GPR146: variants seen among roughly 807,000 people sequenced by gnomAD.
GPR146 encodes the protein G-protein coupled receptor 146.
For missense variants in GPR146, 381 were observed against 213.9 expected (o/e 1.78, Z -4.87); for synonymous variants, 203 against 104.3 (o/e 1.95, Z -5.77).
chr7:1,056,552 T>G (rs895674785), intron 1 of GPR146: 10 of 152,642 alleles, frequency 6.6e-5, no homozygotes, highest in African/African-American at 9.6e-5. Flanking sequence ...CTATTGGCAC[T>G]GGGGACCTCG....
At chr7:1,048,445 C>A (rs1782787116) in intron 1 of GPR146, among the ~76,000 whole-genome samples, 1 of 152,142 alleles carries the variant, frequency 6.6e-6, no homozygotes, top group South Asian at 2.1e-4. Context: ...CTCTCACACA[C>A]ACATACAGGG....
chr7:1,050,906 C>T (rs940059986), intron 1 of GPR146, among the ~76,000 whole-genome samples: 6 of 152,230 alleles, frequency 3.9e-5, no homozygotes. Flanking sequence ...CTGTCCTTCC[C>T]AGCCTCCTGC....
rs186841367 is a variant in GPR146 at position 1,046,942 on chromosome 7, C to T, written c.-25+2284C>T. On this transcript the variant is annotated intron_variant, in intron 1 of 1. Transcript: ENST00000444847. ...AGCACTTCCCTGCAGGTTAAGGCCA[C>T]GCCTAGTAAACCGGGGCTCGACTGA... Among the ~76,000 whole-genome samples the T allele has an allele frequency of 1.7e-3, 263 of 152,354 alleles. 1 individual carries two copies. The highest frequency in any genetic ancestry group is 3.4e-3 in the Middle Eastern group (1 of 294).
At chr7:1,051,833 C>T (rs1783140803) in intron 1 of GPR146, among the ~76,000 whole-genome samples, 1 of 152,164 alleles carries the variant, frequency 6.6e-6, no homozygotes, top group Non-Finnish European at 1.5e-5. Context: ...AAAACATTAG[C>T]CAGCTGTAGT....
Position 1,058,189 on chromosome 7 carries a change from G to A in GPR146, c.674G>A (p.Gly225Asp), listed in dbSNP as rs1046181215. The change falls in exon 2 of 2, where the codon GGC (glycine) becomes GAC (aspartate). Residue 225 changes from glycine to aspartate, a missense_variant. By Grantham distance (94) the Gly-to-Asp change is moderately conservative. Coordinates refer to ENST00000444847, the MANE Select transcript of GPR146 (RefSeq NM_001303473.2). ...REDTPLDRDT[G>D]RLEPSAHRLL... ...GACACGCCCCTGGACCGGGACACGG[G>A]CCGGCTGGAGCCCTCGGCACACAGG... 2 of 741,972 alleles carry A rather than the reference G, an allele frequency of 2.7e-6. No individual in the cohort carries two copies. Among genetic ancestry groups the A allele is most frequent in the African/African-American group, 1.7e-5 (1 of 58,950 alleles). 46.0% of individuals were successfully genotyped at this position (741,972 alleles called of 1,614,324 possible).
At chr7:1,048,491 C>T (rs1457583477) in intron 1 of GPR146, among the ~76,000 whole-genome samples, 1 of 152,070 alleles carries the variant, frequency 6.6e-6, no homozygotes. Context: ...GGGTGGTCAC[C>T]ATCCCCACAC....
At position 1,058,265 on chromosome 7, in the gene GPR146, T is replaced by C. The variant is rs770244177; in HGVS notation, c.750T>C (p.Tyr250=). The change falls in exon 2 of 2, where the codon TAT becomes TAC. Residue 250 remains tyrosine, a synonymous_variant. Transcript: ENST00000444847. ...AGTTTGGGCTCTGGACGCCACACTA[T>C]CTGATCCTGCTGGGGCACACGGTCA... is the stretch of plus-strand genomic sequence containing the variant. ...CTQFGLWTPH[Y]LILLGHTVII... is the part of the protein sequence containing the mutation. The C allele has an allele frequency of 1.3e-6, 1 of 772,084 alleles. No individual in the cohort carries two copies. Among genetic ancestry groups the C allele is most frequent in the Non-Finnish European group, 2.4e-6 (1 of 417,952 alleles). The allele number at this position is 772,084 out of a possible 1,614,324, so 47.8% of individuals were successfully genotyped here. A position where few individuals can be genotyped will look rare whatever the true frequency, so the allele number is the denominator to read the frequency against.
At chr7:1,055,690 A>G (rs1454812430) in intron 1 of GPR146, among the ~76,000 whole-genome samples, 1 of 152,138 alleles carries the variant, frequency 6.6e-6, no homozygotes, top group African/African-American at 2.4e-5. Flanking sequence ...GGCCCTTGGC[A>G]AGCTCTGTGG....
At chr7:1,049,262 C>T (rs964830454) in intron 1 of GPR146, among the ~76,000 whole-genome samples, 7 of 152,250 alleles carry the variant, frequency 4.6e-5, no homozygotes, top group Non-Finnish European at 7.3e-5. Flanking sequence ...AGAACAGCTT[C>T]CTCTGCCCTT....
At chr7:1,053,398 C>A (rs996542920) in intron 1 of GPR146, among the ~76,000 whole-genome samples, 1 of 152,240 alleles carries the variant, frequency 6.6e-6, no homozygotes, top group Non-Finnish European at 1.5e-5. Flanking sequence ...TGACAGGGAG[C>A]TGGGTTGGCT....
Position 1,052,415 on chromosome 7 carries a change from TGAG to T in GPR146, c.-24-5073_-24-5071del, listed in dbSNP as rs936438738. ...GGACCTGTGTGTGGGTGGCAGGTCT[TGAG>T]GAGTCGTGGGGGAGGGTTTCGGGGG... On this transcript the variant is annotated intron_variant, in intron 1 of 1. Transcript: ENST00000444847. This position sits in a 1 kb window ranked among gnomAD's most constrained non-coding sequence, Gnocchi z 4.2. 1.3e-5 allele frequency among the ~76,000 whole-genome samples: 2 copies of T among 151,700 alleles called. No homozygotes were observed. Among genetic ancestry groups the T allele is most frequent in the African/African-American group, 4.8e-5 (2 of 41,256 alleles).
rs554555458 is a variant in GPR146, at chr7:1,050,224, T to C, written c.-25+5566T>C. Among the ~76,000 whole-genome samples the C allele has an allele frequency of 1.2e-3, 177 of 152,304 alleles. 2 individuals carry two copies. The highest frequency in any genetic ancestry group is 2.5e-3 in the South Asian group (12 of 4,830). The stretch of plus-strand genomic sequence containing the variant: ...TGTGCACCCTGTGGGCAGTGACTCC[T>C]CAGGCACAGTGGCCCAAAGTCACAG... On this transcript the variant is annotated intron_variant, in intron 1 of 1. Transcript: ENST00000444847.
At chr7:1,049,274 A>G (rs1782873821) in intron 1 of GPR146, among the ~76,000 whole-genome samples, 1 of 152,222 alleles carries the variant, frequency 6.6e-6, no homozygotes, top group Non-Finnish European at 1.5e-5. Context: ...TCTGCCCTTT[A>G]TATGTGGGGA....
rs1010686053 is a variant in GPR146 at position 1,052,060 on chromosome 7, C to T, written c.-24-5432C>T. On this transcript the variant is annotated intron_variant, in intron 1 of 1. Transcript: ENST00000444847. The surrounding 1 kb of genome is among the most constrained non-coding windows in gnomAD (Gnocchi z 4.2). Reference sequence around the variant, plus strand: ...GAATTCTCTTATAGGGAAAATAAAACGATTGAAACTGGGCCATCTTGGACA... The same window carrying T: ...GAATTCTCTTATAGGGAAAATAAAATGATTGAAACTGGGCCATCTTGGACA... Among the ~76,000 whole-genome samples, 5 of 152,242 alleles carry T rather than the reference C, an allele frequency of 3.3e-5. No homozygotes were observed. The highest frequency in any genetic ancestry group is 1.2e-4 in the African/African-American group (5 of 41,468).
In GPR146 at chr7:1,044,581, C is replaced by A. The variant is rs907497361; in HGVS notation, c.-102C>A. 6.0e-5 allele frequency: 9 copies of A among 150,664 alleles called. No individual in the cohort carries two copies. Among genetic ancestry groups the A allele is most frequent in the African/African-American group, 1.9e-4 (8 of 41,248 alleles). The allele number at this position is 150,664 out of a possible 1,614,324, so 9.3% of individuals were successfully genotyped here. A position where few individuals can be genotyped will look rare whatever the true frequency, so the allele number is the denominator to read the frequency against. On this transcript the variant is annotated 5_prime_UTR_variant, in exon 1 of 2. Coordinates refer to ENST00000444847, the MANE Select transcript of GPR146 (RefSeq NM_001303473.2). The stretch of plus-strand genomic sequence containing the variant: ...GTACACAGGGCCCGGGCGGCGTGCG[C>A]GCCGTGAGCCCCGCCGCCTCCGCCA...
At position 1,052,552 on chromosome 7, in the gene GPR146, C is replaced by T. The variant is rs534508365; in HGVS notation, c.-24-4940C>T. On this transcript the variant is annotated intron_variant, in intron 1 of 1. Transcript: ENST00000444847. The surrounding 1 kb of genome is among the most constrained non-coding windows in gnomAD (Gnocchi z 4.2). ...AAGAAGTGGGGGAGCCAGGAAGGAG[C>T]AGCTGCCAGGGACGGCCTGGCCTGG... Among the ~76,000 whole-genome samples, 81 of 152,208 alleles carry T rather than the reference C, an allele frequency of 5.3e-4. No individual in the cohort carries two copies. The highest frequency in any genetic ancestry group is 1.1e-3 in the Non-Finnish European group (72 of 67,988).
At position 1,049,036 on chromosome 7, in the gene GPR146, C is replaced by T. The variant is rs1382181823; in HGVS notation, c.-25+4378C>T. ...CAGTCTGAGCGTGCGCTCCCCAGGC[C>T]TCCGCTGTCTGAGCGTGCGCTCCCC... On this transcript the variant is annotated intron_variant, in intron 1 of 1. Coordinates refer to ENST00000444847, the MANE Select transcript of GPR146 (RefSeq NM_001303473.2). Among the ~76,000 whole-genome samples the T allele has an allele frequency of 3.9e-5, 6 of 152,082 alleles. No individual in the cohort carries two copies. In the East Asian group the frequency reaches 7.7e-4, roughly 20 times the overall value.
At chr7:1,045,330 T>C (rs774103614) in intron 1 of GPR146, 4 of 152,284 alleles carry the variant, frequency 2.6e-5, no homozygotes, top group Non-Finnish European at 5.9e-5. Flanking sequence ...GTATTCGTCG[T>C]CCACAGCCTT....
Position 1,057,955 on chromosome 7 carries a change from T to G in GPR146, c.440T>G (p.Val147Gly). The G allele has an allele frequency of 1.3e-6, 1 of 772,504 alleles. No homozygotes were observed. The highest frequency in any genetic ancestry group is 1.3e-5 in the South Asian group (1 of 74,618). The allele number at this position is 772,504 out of a possible 1,614,324, so 47.9% of individuals were successfully genotyped here. A position where few individuals can be genotyped will look rare whatever the true frequency, so the allele number is the denominator to read the frequency against. Reference sequence around the variant, plus strand: ...GCCAGCGTGTACAACACGCGGCACGTGTGCGGCTTCGTGTGGGGTGGCGCG... The same window carrying G: ...GCCAGCGTGTACAACACGCGGCACGGGTGCGGCTTCGTGTGGGGTGGCGCG... Reference protein sequence around the residue: ...YMASVYNTRHVCGFVWGGALL... With the variant: ...YMASVYNTRHGCGFVWGGALL... The change falls in exon 2 of 2, where the codon GTG becomes GGG. Residue 147 changes from valine (V) to glycine (G), a missense_variant. By Grantham distance (109) the Val-to-Gly change is moderately radical. Coordinates refer to ENST00000444847, the MANE Select transcript of GPR146 (RefSeq NM_001303473.2).
Sources: gnomAD v4.1 joint callset for allele counts (sites outside exome capture counted in the v4.1 genomes callset) on GRCh38, gnomAD v4.1.1 for gene constraint, Gnocchi (gnomAD v3.1) non-coding constraint, MANE v1.5 for transcripts, NCBI Gene and HGNC (gene_info 2026-07-23, HGNC 2026-07-21) for gene names.